Variants in SLC4A4 observed in about 807,000 individuals in gnomAD.
The protein encoded by SLC4A4 is electrogenic sodium bicarbonate cotransporter 1.
SLC4A4 carries 27 observed loss-of-function variants against 111.5 expected under a neutral mutation model. The ratio of observed to expected loss-of-function variants is 0.24; its 90% CI spans 0.18 to 0.33. The LOEUF (loss-of-function observed/expected upper bound fraction) is 0.33. SLC4A4 is among the 10% of genes least tolerant of loss of function. The pLI, the probability that SLC4A4 is intolerant of heterozygous loss-of-function variation, is 1.00. For missense variants in SLC4A4, 909 were observed against 1,315.5 expected (o/e 0.69, Z 4.78); for synonymous variants, 443 against 463.4 (o/e 0.96, Z 0.57).
At chr4:71,359,064 C>T (rs1203849732) in intron 6 of SLC4A4, among the ~76,000 whole-genome samples, 1 of 152,136 alleles carries the variant, frequency 6.6e-6, no homozygotes, top group Non-Finnish European at 1.5e-5. Context: ...GCTTCATTTC[C>T]ATGGAACTGC....
At chr4:71,183,889 C>T (rs1490723797), upstream of SLC4A4, among the ~76,000 whole-genome samples, 1 of 152,174 alleles carries the variant, frequency 6.6e-6, no homozygotes, top group Non-Finnish European at 1.5e-5. Flanking sequence ...ATAATGTTAT[C>T]TCCTACCACC....
intron 6 of SLC4A4, among the ~76,000 whole-genome samples, chr4:71,363,740 TG>T (rs1246990237): frequency 4.6e-5 from 7 of 152,210 alleles, no homozygotes; most frequent in African/African-American, 1.4e-4. Context: ...CCACCTGTTT[TG>T]TTCAGGACTC....
chr4:71,463,838 C>A (rs578260525), intron 12 of SLC4A4, among the ~76,000 whole-genome samples: 2 of 152,210 alleles, frequency 1.3e-5, no homozygotes, highest in Non-Finnish European at 2.9e-5. Context: ...TGCCAGAAGA[C>A]CCTGTTCTTA....
chr4:71,100,813 G>T (rs889014465), intron 2 of SLC4A4, among the ~76,000 whole-genome samples: 11 of 152,144 alleles, frequency 7.2e-5, no homozygotes, highest in Non-Finnish European at 1.2e-4. Flanking sequence ...GCTAAGCTGA[G>T]AGCCAAATGA....
intron 14 of SLC4A4, among the ~76,000 whole-genome samples, chr4:71,486,564 T>C (rs1200555280): frequency 6.6e-6 from 1 of 151,676 alleles, no homozygotes; most frequent in East Asian, 1.9e-4. Flanking sequence ...ATGGGAAATT[T>C]TCCTGTACAT....
At chr4:71,438,872 A>T (rs1333989915) in intron 7 of SLC4A4, among the ~76,000 whole-genome samples, 1 of 152,088 alleles carries the variant, frequency 6.6e-6, no homozygotes, top group Non-Finnish European at 1.5e-5. Flanking sequence ...TAAGTTGGCA[A>T]GTCTTAATAT....
intron 6 of SLC4A4, among the ~76,000 whole-genome samples, chr4:71,382,566 A>G (rs995246997): frequency 1.3e-5 from 2 of 152,210 alleles, no homozygotes; most frequent in Non-Finnish European, 2.9e-5. Flanking sequence ...GAAACAGTTT[A>G]CCACATAAAA....
At chr4:71,308,133 A>T (rs532887365) in intron 3 of SLC4A4, among the ~76,000 whole-genome samples, 1 of 152,036 alleles carries the variant, frequency 6.6e-6, no homozygotes, top group Admixed American at 6.6e-5. Context: ...CCACATTTTC[A>T]TGTTATATGC....
intron 6 of SLC4A4, among the ~76,000 whole-genome samples, chr4:71,360,189 T>C (rs1344555316): frequency 6.6e-6 from 1 of 152,230 alleles, no homozygotes; most frequent in Non-Finnish European, 1.5e-5. Context: ...TTGTATCTAC[T>C]GTGTCTGTAT....
At chr4:71,525,769 G>A (rs759318190) in intron 16 of SLC4A4, among the ~76,000 whole-genome samples, 1 of 152,082 alleles carries the variant, frequency 6.6e-6, no homozygotes, top group Non-Finnish European at 1.5e-5. Flanking sequence ...TAATAGTAGA[G>A]AATTAGGAAC....
At chr4:71,088,163 C>A (rs192076088) in intron 1 of SLC4A4, among the ~76,000 whole-genome samples, 43 of 151,906 alleles carry the variant, frequency 2.8e-4, no homozygotes, top group African/African-American at 9.2e-4. Flanking sequence ...TATGTAATGA[C>A]CTTCTTTGTC....
intron 2 of SLC4A4, among the ~76,000 whole-genome samples, chr4:71,103,113 T>C (rs948743575): frequency 1.2e-4 from 18 of 151,104 alleles, no homozygotes; most frequent in African/African-American, 3.9e-4. Flanking sequence ...AAGGCAGGGG[T>C]TGCAATCCTA....
intron 7 of SLC4A4, among the ~76,000 whole-genome samples, chr4:71,424,249 A>G (rs2149029459): frequency 6.6e-6 from 1 of 152,286 alleles, no homozygotes; most frequent in East Asian, 1.9e-4. Context: ...AATGCTCACC[A>G]TCACTGGCCA....
chr4:71,367,858 G>T (rs1247134383), intron 6 of SLC4A4, among the ~76,000 whole-genome samples: 2 of 152,072 alleles, frequency 1.3e-5, no homozygotes, highest in African/African-American at 2.4e-5. Context: ...CCCAAATTTG[G>T]CTATAAACTT....
At chr4:71,468,670 A>G (rs1224024750) in intron 13 of SLC4A4, among the ~76,000 whole-genome samples, 1 of 151,318 alleles carries the variant, frequency 6.6e-6, no homozygotes, top group Admixed American at 6.6e-5. Context: ...GATACAAAAT[A>G]TTTGGGTAGA....
rs374241499 is a variant in SLC4A4 at position 71,473,279 on chromosome 4, C to A, written c.1903+309C>A. 8 of 601,754 alleles carry A rather than the reference C, an allele frequency of 1.3e-5. No individual in the cohort carries two copies. In the South Asian group the frequency reaches 1.6e-4, roughly 12 times the overall value. 37.3% of individuals were successfully genotyped at this position (601,754 alleles called of 1,614,324 possible). ...ATTCTTGATTTTATAAGTGGGGAAA[C>A]CTGGATACATGTATTAACAGATATA... On this transcript the variant is annotated intron_variant, in intron 14 of 25. Transcript: ENST00000264485.
At chr4:71,489,883 G>A (rs1729746533) in intron 15 of SLC4A4, among the ~76,000 whole-genome samples, 1 of 151,708 alleles carries the variant, frequency 6.6e-6, no homozygotes, top group Non-Finnish European at 1.5e-5. Context: ...TTTCCCTTCA[G>A]CTTCACTAGC....
At chr4:71,431,754 A>ATAATCACT (rs1723663208) in intron 7 of SLC4A4, among the ~76,000 whole-genome samples, 1 of 152,128 alleles carries the variant, frequency 6.6e-6, no homozygotes, top group South Asian at 2.1e-4. Context: ...TAGTGATTGT[A>ATAATCACT]GTACTGGTAA....
chr4:71,454,470 T>C (rs1256004428), intron 12 of SLC4A4, among the ~76,000 whole-genome samples: 1 of 152,152 alleles, frequency 6.6e-6, no homozygotes, highest in Non-Finnish European at 1.5e-5. Context: ...ATTGAAGCCC[T>C]TTTCACACTT....
Sources: gnomAD v4.1 joint callset for allele counts (sites outside exome capture counted in the v4.1 genomes callset) on GRCh38, gnomAD v4.1.1 for gene constraint, MANE v1.5 for transcripts, NCBI Gene and HGNC (gene_info 2026-07-23, HGNC 2026-07-21) for gene names.